ERBB4: variants seen among roughly 807,000 people sequenced by gnomAD.
The protein encoded by ERBB4 is receptor tyrosine-protein kinase erbB-4.
ERBB4 carries 42 observed loss-of-function variants against 158.0 expected under a neutral mutation model. That is an observed-to-expected ratio of 0.27 (90% CI 0.21 to 0.34). The LOEUF (loss-of-function observed/expected upper bound fraction) is 0.34. Ranked by LOEUF, ERBB4 falls within the 10% of genes least tolerant of loss-of-function variation. The probability of loss-of-function intolerance (pLI) is 1.00; values close to 1 mark genes in which losing one functional copy is unlikely to be tolerated. For missense variants in ERBB4, 1,333 were observed against 1,624.1 expected, an observed-to-expected ratio of 0.82 and a Z score of 3.08; for synonymous variants, 583 against 558.7, an observed-to-expected ratio of 1.04 and a Z score of -0.61.
intron 4 of ERBB4, among the ~76,000 whole-genome samples, chr2:211,772,955 A>ATATATATTTTTTT: frequency 1.2e-5 from 1 of 83,296 alleles, no homozygotes; most frequent in East Asian, 4.1e-4. Flanking sequence ...ATATATATAT[A>ATATATATTTTTTT]TTTTTTTTTT....
Position 211,383,261 on chromosome 2 carries a change from GA to G in ERBB4, c.*353del. On this transcript the variant is annotated 3_prime_UTR_variant, in exon 28 of 28. Coordinates refer to ENST00000342788, the MANE Select transcript of ERBB4 (RefSeq NM_005235.3). ...CTGCTTTAAAAAAAAAAAAAAAAAA[GA>G]AGAGGAAGAAAGAAACAAAGAAAGA... The G allele has an allele frequency of 4.2e-6, 1 of 235,850 alleles. No individual in the cohort carries two copies. Among genetic ancestry groups the G allele is most frequent in the Non-Finnish European group, 8.0e-6 (1 of 124,590 alleles). The allele number at this position is 235,850 out of a possible 1,614,324, so 14.6% of individuals were successfully genotyped here. A position where few individuals can be genotyped will look rare whatever the true frequency, so the allele number is the denominator to read the frequency against.
intron 20 of ERBB4, among the ~76,000 whole-genome samples, chr2:211,442,756 G>C (rs1299736818): frequency 1.3e-5 from 2 of 151,586 alleles, no homozygotes; most frequent in Admixed American, 6.6e-5. Flanking sequence ...AATCTCAATA[G>C]AGCACTCATC....
intron 1 of ERBB4, among the ~76,000 whole-genome samples, chr2:212,477,548 A>T (rs1046289690): frequency 6.6e-6 from 1 of 152,212 alleles, no homozygotes; most frequent in Non-Finnish European, 1.5e-5. Context: ...TAAAGTTGCC[A>T]AATTCCTATA....
intron 25 of ERBB4, among the ~76,000 whole-genome samples, chr2:211,396,289 G>A (rs1220200609): frequency 2.0e-5 from 3 of 151,886 alleles, no homozygotes; most frequent in African/African-American, 7.3e-5. Flanking sequence ...ATATTTTAGA[G>A]GCTGTTAACT....
At chr2:212,214,747 C>G (rs1261656097) in intron 1 of ERBB4, among the ~76,000 whole-genome samples, 1 of 151,574 alleles carries the variant, frequency 6.6e-6, no homozygotes, top group African/African-American at 2.4e-5. Flanking sequence ...TAATTCCACT[C>G]CTATATATAA....
At chr2:212,111,720 T>C (rs1372565707) in intron 2 of ERBB4, among the ~76,000 whole-genome samples, 1 of 152,034 alleles carries the variant, frequency 6.6e-6, no homozygotes, top group Non-Finnish European at 1.5e-5. Flanking sequence ...TACTCAATCA[T>C]CTATTAATTA....
intron 2 of ERBB4, among the ~76,000 whole-genome samples, chr2:212,123,884 G>T (rs1397278150): frequency 6.6e-6 from 1 of 152,116 alleles, no homozygotes; most frequent in Non-Finnish European, 1.5e-5. Flanking sequence ...ATACGAAAGT[G>T]CTCCTAAGAA....
chr2:212,381,821 T>A (rs2090513070), intron 1 of ERBB4, among the ~76,000 whole-genome samples: 1 of 151,390 alleles, frequency 6.6e-6, no homozygotes, highest in Admixed American at 6.6e-5. Context: ...ATTGTAATTA[T>A]TTTTTGATAT....
intron 1 of ERBB4, among the ~76,000 whole-genome samples, chr2:212,510,847 C>T (rs1053623913): frequency 6.6e-6 from 1 of 151,874 alleles, no homozygotes; most frequent in Non-Finnish European, 1.5e-5. Context: ...TTCAAGTGCC[C>T]GTTAATAAAT....
At chr2:211,402,387 A>T (rs1262275399) in intron 25 of ERBB4, among the ~76,000 whole-genome samples, 2 of 152,082 alleles carry the variant, frequency 1.3e-5, no homozygotes, top group African/African-American at 4.8e-5. Flanking sequence ...GAACATTTTG[A>T]TCATTCTTAG....
intron 12 of ERBB4, among the ~76,000 whole-genome samples, chr2:211,692,033 A>T (rs1452098449): frequency 6.6e-6 from 1 of 152,182 alleles, no homozygotes; most frequent in Non-Finnish European, 1.5e-5. Flanking sequence ...TTGAAGGTAT[A>T]TTTGAATAGT....
chr2:212,356,602 T>G (rs1574757644), intron 1 of ERBB4, among the ~76,000 whole-genome samples: 2 of 151,956 alleles, frequency 1.3e-5, no homozygotes, highest in East Asian at 3.9e-4. Context: ...TTATTTTACC[T>G]GCTTATCTAA....
At chr2:212,138,778 G>T (rs1350720626) in intron 1 of ERBB4, among the ~76,000 whole-genome samples, 1 of 152,026 alleles carries the variant, frequency 6.6e-6, no homozygotes, top group Admixed American at 6.6e-5. Flanking sequence ...GACACAGACC[G>T]GATACACACA....
chr2:211,698,445 T>C (rs566014987), intron 12 of ERBB4, among the ~76,000 whole-genome samples: 123 of 152,044 alleles, frequency 8.1e-4, no homozygotes, highest in African/African-American at 2.8e-3. Context: ...GGTATGATCC[T>C]ATTCATATAC....
At chr2:212,059,887 C>A (rs1298117321) in intron 2 of ERBB4, among the ~76,000 whole-genome samples, 1 of 152,064 alleles carries the variant, frequency 6.6e-6, no homozygotes, top group African/African-American at 2.4e-5. Flanking sequence ...CATGGGCAAG[C>A]ACTTCATGTC....
intron 20 of ERBB4, among the ~76,000 whole-genome samples, chr2:211,487,273 A>T (rs1482134313): frequency 6.6e-6 from 1 of 151,208 alleles, no homozygotes; most frequent in Non-Finnish European, 1.5e-5. Context: ...TGAGATAGTA[A>T]AGCTTTATTT....
At chr2:212,152,883 A>T (rs1205375475) in intron 1 of ERBB4, among the ~76,000 whole-genome samples, 4 of 152,180 alleles carry the variant, frequency 2.6e-5, no homozygotes, top group Non-Finnish European at 5.9e-5. Context: ...GAATGTACAC[A>T]GAAGTAAGAG....
chr2:211,956,998 A>T (rs1049989136), intron 2 of ERBB4, among the ~76,000 whole-genome samples: 5 of 151,176 alleles, frequency 3.3e-5, no homozygotes, highest in South Asian at 2.1e-4. Flanking sequence ...CACCAACCTA[A>T]TTTTTTTTCC....
chr2:211,628,418 G>A (rs2069950785), intron 17 of ERBB4, among the ~76,000 whole-genome samples: 1 of 152,134 alleles, frequency 6.6e-6, no homozygotes, highest in South Asian at 2.1e-4. Context: ...AACATGCGGT[G>A]TTTGGTTTTA....
Sources: allele counts gnomAD v4.1 joint callset (sites outside exome capture counted in the v4.1 genomes callset), GRCh38; gene constraint gnomAD v4.1.1; transcripts MANE v1.5; gene names NCBI Gene and HGNC (gene_info 2026-07-23, HGNC 2026-07-21).